The following COL4A6 variants were observed in gnomAD, a reference collection of about 807,000 sequenced individuals.
The protein encoded by COL4A6 is collagen alpha-6(IV) chain.
Under a neutral mutation model 126.7 loss-of-function variants are expected in COL4A6, and 59 were observed. That is an observed-to-expected ratio of 0.47 (90% CI 0.38 to 0.58). The LOEUF (loss-of-function observed/expected upper bound fraction) is 0.58, where lower values mean the gene tolerates loss of function less well. Ranked by LOEUF, COL4A6 falls within the 20% of genes least tolerant of loss-of-function variation. The pLI, the probability that COL4A6 is intolerant of heterozygous loss-of-function variation, is 0.00. For missense variants in COL4A6, 1,285 were observed against 1,337.3 expected, an observed-to-expected ratio of 0.96 and a Z score of 0.61; for synonymous variants, 547 against 496.6, an observed-to-expected ratio of 1.10 and a Z score of -1.35.
chrX:108,182,715 C>T (rs1192644246), intron 23 of COL4A6, among the ~76,000 whole-genome samples: 2 of 112,125 alleles, frequency 1.8e-5, no homozygotes, highest in African/African-American at 6.5e-5. Context: ...GACTCTCCTG[C>T]CCTCAACAAT....
At chrX:108,296,787 T>C (rs746840514) in intron 3 of COL4A6, among the ~76,000 whole-genome samples, 1 of 112,251 alleles carries the variant, frequency 8.9e-6, no homozygotes, top group East Asian at 2.8e-4. Flanking sequence ...GATTCATTCA[T>C]TCAACAAAAC....
rs1406663826 is a variant in COL4A6, at chrX:108,214,159, C to T, written c.394G>A (p.Val132Ile). 8.3e-7 allele frequency: 1 copy of T among 1,210,498 alleles called. No homozygotes were observed. The highest frequency in any genetic ancestry group is 1.1e-6 in the Non-Finnish European group (1 of 894,888). Residue 132 changes from valine (V) to isoleucine (I), a missense_variant, in exon 6 of 45, where the codon GTT (valine) becomes ATT (isoleucine). By Grantham distance (29) the Val-to-Ile change is conservative. Transcript: ENST00000334504. ...LDGCNGTQGAVGFPGPDGYPG... is the reference protein window; with the variant it reads ...LDGCNGTQGAIGFPGPDGYPG... ...TAGCCATCAGGGCCTGGAAATCCAA[C>T]AGCTCCTTGAGTTCCATTACAGCCA...
At chrX:108,403,977 G>T (rs995416528) in intron 2 of COL4A6, among the ~76,000 whole-genome samples, 5 of 111,488 alleles carry the variant, frequency 4.5e-5, no homozygotes, top group Non-Finnish European at 9.4e-5. Context: ...GATTTAATAA[G>T]GGGGTCTTAG....
At chrX:108,301,230 T>C (rs956935214) in intron 3 of COL4A6, among the ~76,000 whole-genome samples, 2 of 112,307 alleles carry the variant, frequency 1.8e-5, no homozygotes, top group African/African-American at 3.2e-5. Context: ...GTGGCCTACA[T>C]AAAGGGACAG....
intron 2 of COL4A6, among the ~76,000 whole-genome samples, chrX:108,335,482 T>C (rs2039407907): frequency 8.9e-6 from 1 of 111,840 alleles, no homozygotes; most frequent in Non-Finnish European, 1.9e-5. Flanking sequence ...CATTGCCTCT[T>C]CCTGGAAAGT....
chrX:108,277,430 C>A lies in COL4A6; in HGVS notation c.144+33318G>T, dbSNP rs770393756. Among the ~76,000 whole-genome samples the A allele has an allele frequency of 6.2e-5, 7 of 112,471 alleles. No individual in the cohort carries two copies. The South Asian group carries it at 2.6e-3, about 41-fold the overall frequency. ...ATCAAACCGCAAGGTGGCAGCGAGG[C>A]TGGGGGATGGGTGCCCACCATTGCC... On this transcript the variant is annotated intron_variant, in intron 3 of 44. Transcript: ENST00000334504.
intron 3 of COL4A6, among the ~76,000 whole-genome samples, chrX:108,278,572 G>A (rs2037691609): frequency 9.0e-6 from 1 of 110,581 alleles, no homozygotes; most frequent in South Asian, 4.0e-4. Context: ...CACTCTGCAG[G>A]ATATTATCCA....
intron 3 of COL4A6, among the ~76,000 whole-genome samples, chrX:108,237,840 T>C (rs1274357649): frequency 1.0e-5 from 1 of 100,497 alleles, no homozygotes; most frequent in East Asian, 3.2e-4. Flanking sequence ...TCTCTTTCCC[T>C]CTCTCCCTCT....
At chrX:108,290,245 C>T (rs1257983142) in intron 3 of COL4A6, among the ~76,000 whole-genome samples, 1 of 111,831 alleles carries the variant, frequency 8.9e-6, no homozygotes, top group African/African-American at 3.3e-5. Flanking sequence ...AAAAAGTGTT[C>T]ACTGTGCTCT....
intron 3 of COL4A6, among the ~76,000 whole-genome samples, chrX:108,270,641 T>C (rs2037423811): frequency 8.9e-6 from 1 of 112,474 alleles, no homozygotes; most frequent in African/African-American, 3.2e-5. Context: ...TGACAGCTAA[T>C]TGATACATTA....
At chrX:108,406,455 C>T (rs113834965) in intron 2 of COL4A6, among the ~76,000 whole-genome samples, 9,168 of 111,923 alleles carry the variant, frequency 0.082, 396 homozygotes, top group Non-Finnish European at 0.12. Context: ...ACATTTCAGG[C>T]TTTTTATGTT....
At chrX:108,363,487 AGCCCCCAAACACAGGTATAACTT>A (rs1242880809) in intron 2 of COL4A6, among the ~76,000 whole-genome samples, 2 of 112,206 alleles carry the variant, frequency 1.8e-5, no homozygotes, top group Non-Finnish European at 3.8e-5. Flanking sequence ...GCGTATTTTC[AGCCCCCAAACACAGGTATAACTT>A]GTCCCCAAAT....
chrX:108,188,560 C>T lies in COL4A6; in HGVS notation c.1544G>A (p.Gly515Glu), dbSNP rs2034942614. 8.4e-7 allele frequency: 1 copy of T among 1,196,742 alleles called. No homozygotes were observed. The highest frequency in any genetic ancestry group is 1.1e-6 in the Non-Finnish European group (1 of 888,999). Residue 515 changes from glycine to glutamate, a missense_variant, in exon 21 of 45, where the codon GGA becomes GAA. Physicochemically the swap from Gly to Glu is moderately conservative, Grantham distance 98 (BLOSUM62 -2). Transcript: ENST00000334504. ...CTGTGCACCCCCAGAGCCTCGATCT[C>T]CTCTGGCTCCTTTAAGGCCTGGAAG... is the stretch of plus-strand genomic sequence containing the variant. ...IGLPGLKGAR[G>E]DRGSGGAQGP...
At chrX:108,290,111 A>G (rs1406081491) in intron 3 of COL4A6, among the ~76,000 whole-genome samples, 2 of 112,330 alleles carry the variant, frequency 1.8e-5, no homozygotes, top group Non-Finnish European at 3.8e-5. Flanking sequence ...GGATCTTGAA[A>G]TTCTCAGAAG....
intron 2 of COL4A6, among the ~76,000 whole-genome samples, chrX:108,322,770 A>G (rs1428489122): frequency 2.7e-5 from 3 of 112,262 alleles, no homozygotes; most frequent in Non-Finnish European, 5.6e-5. Context: ...CAGATTTAGC[A>G]AATAAAAATA....
chrX:108,292,871 C>T (rs981179584), intron 3 of COL4A6, among the ~76,000 whole-genome samples: 13 of 104,439 alleles, frequency 1.2e-4, no homozygotes, highest in Admixed American at 2.1e-4. Context: ...ATTTCATGAG[C>T]CCAGGTGTTC....
intron 3 of COL4A6, among the ~76,000 whole-genome samples, chrX:108,292,634 A>G: frequency 9.0e-6 from 1 of 111,474 alleles, no homozygotes. Flanking sequence ...ATCAAGACAA[A>G]ATTCCAAGGA....
chrX:108,391,504 T>A (rs1174727966), intron 2 of COL4A6, among the ~76,000 whole-genome samples: 2 of 111,449 alleles, frequency 1.8e-5, no homozygotes, highest in Non-Finnish European at 3.8e-5. Flanking sequence ...AATCACCTAT[T>A]CAAGCCTCGG....
At chrX:108,269,748 C>T (rs767553061) in intron 3 of COL4A6, among the ~76,000 whole-genome samples, 18 of 111,788 alleles carry the variant, frequency 1.6e-4, no homozygotes, top group African/African-American at 5.2e-4. Context: ...TATCATGTGA[C>T]GTTTGGATTT....
Sources: allele counts gnomAD v4.1 joint callset (sites outside exome capture counted in the v4.1 genomes callset), GRCh38; gene constraint gnomAD v4.1.1; transcripts MANE v1.5; gene names NCBI Gene and HGNC (gene_info 2026-07-23, HGNC 2026-07-21).